Variants in TLR4 observed in about 807,000 individuals in gnomAD.
TLR4 encodes the protein toll-like receptor 4.
In TLR4, 17 loss-of-function variants were observed where a neutral mutation model predicts 27.4. That is an observed-to-expected ratio of 0.62 (90% CI 0.42 to 0.93). The LOEUF is 0.93. Among genes scored for constraint, TLR4 ranks in the 40% least tolerant of loss-of-function variants. The probability of loss-of-function intolerance (pLI) is 0.00; values close to 1 mark genes in which losing one functional copy is unlikely to be tolerated. For missense variants in TLR4, 926 were observed against 962.3 expected, an observed-to-expected ratio of 0.96 and a Z score of 0.50; for synonymous variants, 363 against 365.7, an observed-to-expected ratio of 0.99 and a Z score of 0.08.
At chr9:117,705,298 C>T (rs10818073) in intron 1 of TLR4, among the ~76,000 whole-genome samples, 7,518 of 152,004 alleles carry the variant, frequency 0.049, 249 homozygotes, top group South Asian at 0.11. Flanking sequence ...ATAGTAGAGC[C>T]GAACAGCTAA....
rs1224284137 is a variant in TLR4 at position 117,715,787 on chromosome 9, A to G, written c.*1139A>G. On this transcript the variant is annotated 3_prime_UTR_variant, in exon 3 of 3. Coordinates refer to ENST00000355622, the MANE Select transcript of TLR4 (RefSeq NM_138554.5). The stretch of plus-strand genomic sequence containing the variant: ...TGCCAGGAGAACTACGTGTGAAGGT[A>G]TTCAAGGCAGGGAGTATACATTGCT... The G allele has an allele frequency of 6.6e-6, 1 of 152,194 alleles. No homozygotes were observed. The highest frequency in any genetic ancestry group is 1.5e-5 in the Non-Finnish European group (1 of 68,042). 9.4% of individuals were successfully genotyped at this position (152,194 alleles called of 1,614,324 possible).
In TLR4 at chr9:117,713,481, C is replaced by A. The variant is rs201722284; in HGVS notation, c.1353C>A (p.Tyr451Ter). Residue 451 changes from tyrosine (Y) to a stop codon, truncating the protein, a stop_gained, in exon 3 of 3, where the codon TAC (tyrosine) becomes TAA (stop). Transcript: ENST00000355622. LOFTEE classifies it low-confidence loss of function (END_TRUNC). ...TCCTATCACTCAGAAACCTCATTTA[C>A]CTTGACATTTCTCATACTCACACCA... ...SVFLSLRNLI[Y>*]LDISHTHTRV... is the part of the protein sequence containing the mutation. The A allele has an allele frequency of 8.1e-6, 13 of 1,613,976 alleles. No homozygotes were observed. The highest frequency in any genetic ancestry group is 1.0e-5 in the Non-Finnish European group (12 of 1,180,016).
rs1368223194 is a variant in TLR4 at position 117,716,927 on chromosome 9, C to G, written c.*2279C>G. 3 of 152,158 alleles carry G rather than the reference C, an allele frequency of 2.0e-5. No individual in the cohort carries two copies. The highest frequency in any genetic ancestry group is 4.4e-5 in the Non-Finnish European group (3 of 68,014). The allele number at this position is 152,158 out of a possible 1,614,324, so 9.4% of individuals were successfully genotyped here. A position where few individuals can be genotyped will look rare whatever the true frequency, so the allele number is the denominator to read the frequency against. On this transcript the variant is annotated 3_prime_UTR_variant, in exon 3 of 3. Coordinates refer to ENST00000355622, the MANE Select transcript of TLR4 (RefSeq NM_138554.5). ...AGACAACAAAATTCAGTTGTCAAAA[C>G]TGGAAATATGACCACAGTCAGAAGT...
In TLR4 at chr9:117,712,823, C is replaced by G. The variant is rs1323716355; in HGVS notation, c.695C>G (p.Thr232Ser). ...AAAGAAATTAGGCTTCATAAGCTGACTTTAAGAAATAATTTTGATAGTTTA... is the reference window on the plus strand; with the variant it reads ...AAAGAAATTAGGCTTCATAAGCTGAGTTTAAGAAATAATTTTGATAGTTTA... ...AFKEIRLHKLTLRNNFDSLNV... is the reference protein window; with the variant it reads ...AFKEIRLHKLSLRNNFDSLNV... Residue 232 changes from threonine (T) to serine (S), a missense_variant, in exon 3 of 3, where the codon ACT (threonine) becomes AGT (serine). Thr to Ser is a moderately conservative substitution (Grantham distance 58). Coordinates refer to ENST00000355622, the MANE Select transcript of TLR4 (RefSeq NM_138554.5). The G allele has an allele frequency of 6.2e-7, 1 of 1,613,972 alleles. No homozygotes were observed. Among genetic ancestry groups the G allele is most frequent in the Non-Finnish European group, 8.5e-7 (1 of 1,179,996 alleles).
At chr9:117,707,526 C>G (rs1024450119) in intron 1 of TLR4, among the ~76,000 whole-genome samples, 2 of 152,100 alleles carry the variant, frequency 1.3e-5, no homozygotes, top group African/African-American at 4.8e-5. Flanking sequence ...TTTCAAACAA[C>G]AGAAAACTAC....
Position 117,723,522 on chromosome 9 carries a change from T to G in TLR4, c.*8874T>G, listed in dbSNP as rs1829445387. 6.6e-6 allele frequency: 1 copy of G among 152,166 alleles called. No individual in the cohort carries two copies. Among genetic ancestry groups the G allele is most frequent in the Non-Finnish European group, 1.5e-5 (1 of 68,030 alleles). The allele number at this position is 152,166 out of a possible 1,614,324, so 9.4% of individuals were successfully genotyped here. On this transcript the variant is annotated 3_prime_UTR_variant, in exon 3 of 3. Coordinates refer to ENST00000355622, the MANE Select transcript of TLR4 (RefSeq NM_138554.5). ...TTTACGCTGTCTTCTGTGAAAGTTT[T>G]GAGAATGAAATGAGACAGAGCCTCC...
chr9:117,705,023 G>T (rs1426168977), intron 1 of TLR4, among the ~76,000 whole-genome samples: 3 of 152,076 alleles, frequency 2.0e-5, no homozygotes, highest in Middle Eastern at 3.2e-3. Context: ...TTGTGTGTGT[G>T]TCTCTAGAGA....
rs200782062 is a variant in TLR4 at position 117,713,241 on chromosome 9, T to C, written c.1113T>C (p.Asp371=). The part of the protein sequence containing the change: ...NKGGNAFSEV[D]LPSLEFLDLS... ...GTGGGAATGCTTTTTCAGAAGTTGATCTACCAAGCCTTGAGTTTCTAGATC... is the reference window on the plus strand; with the variant it reads ...GTGGGAATGCTTTTTCAGAAGTTGACCTACCAAGCCTTGAGTTTCTAGATC... The change falls in exon 3 of 3, where the codon GAT becomes GAC. Residue 371 remains aspartate (D), a synonymous_variant. Transcript: ENST00000355622. 6.2e-7 allele frequency: 1 copy of C among 1,613,912 alleles called. No individual in the cohort carries two copies. The highest frequency in any genetic ancestry group is 1.3e-5 in the African/African-American group (1 of 74,932).
At chr9:117,708,064 T>G (rs980515790) in intron 1 of TLR4, 14 of 388,944 alleles carry the variant, frequency 3.6e-5, no homozygotes, top group Non-Finnish European at 3.6e-6. Flanking sequence ...CTTCTCTGTA[T>G]CCTTCCAATT....
intron 2 of TLR4, among the ~76,000 whole-genome samples, chr9:117,709,353 A>G (rs1367514409): frequency 1.3e-5 from 2 of 152,160 alleles, no homozygotes; most frequent in African/African-American, 4.8e-5. Flanking sequence ...TAAGATTCAA[A>G]CAATGTCTAG....
chr9:117,714,577 G>C lies in TLR4; in HGVS notation c.2449G>C (p.Asp817His). ...FWRRLRKALLDGKSWNPEGTV... is the reference protein window; with the variant it reads ...FWRRLRKALLHGKSWNPEGTV... ...GAGACGACTCAGAAAAGCCCTGCTGGATGGTAAATCATGGAATCCAGAAGG... is the reference window on the plus strand; with the variant it reads ...GAGACGACTCAGAAAAGCCCTGCTGCATGGTAAATCATGGAATCCAGAAGG... The change falls in exon 3 of 3, where the codon GAT (aspartate) becomes CAT (histidine). Residue 817 changes from aspartate (D) to histidine (H), a missense_variant. Physicochemically the swap from Asp to His is moderately conservative, Grantham distance 81. Transcript: ENST00000355622. 6.2e-7 allele frequency: 1 copy of C among 1,613,862 alleles called. No individual in the cohort carries two copies. The highest frequency in any genetic ancestry group is 8.5e-7 in the Non-Finnish European group (1 of 1,179,986).
At chr9:117,707,728 A>T (rs1408642169) in intron 1 of TLR4, among the ~76,000 whole-genome samples, 1 of 152,132 alleles carries the variant, frequency 6.6e-6, no homozygotes, top group African/African-American at 2.4e-5. Context: ...CACTCTAAAG[A>T]TTTCCCCCTA....
At chr9:117,708,480 C>A (rs571061549) in intron 1 of TLR4, 83 bp from the exon 2 acceptor site, 1 of 1,606,432 alleles carries the variant, frequency 6.2e-7, no homozygotes, top group Non-Finnish European at 8.5e-7. Context: ...AAAAGAGGCC[C>A]CTCTCCACCA....
rs1292638040 is a variant in TLR4, at chr9:117,713,962, C to T, written c.1834C>T (p.Pro612Ser). The change falls in exon 3 of 3, where the codon CCT becomes TCT. Residue 612 changes from proline (P) to serine (S), a missense_variant. Transcript: ENST00000355622. ...AGTTGAACGAATGGAATGTGCAACA[C>T]CTTCAGATAAGCAGGGCATGCCTGT... ...VEVERMECAT[P>S]SDKQGMPVLS... is the part of the protein sequence containing the mutation. 1.2e-6 allele frequency: 2 copies of T among 1,613,880 alleles called. No homozygotes were observed. Among genetic ancestry groups the T allele is most frequent in the African/African-American group, 1.3e-5 (1 of 74,920 alleles).
chr9:117,706,586 C>T (rs1829140530), intron 1 of TLR4, among the ~76,000 whole-genome samples: 1 of 152,180 alleles, frequency 6.6e-6, no homozygotes, highest in African/African-American at 2.4e-5. Context: ...TCACCACTCC[C>T]ACCACTCACC....
rs891884708 is a variant in TLR4, at chr9:117,714,575, T to A, written c.2447T>A (p.Leu816Gln). 1 of 1,613,770 alleles carries A rather than the reference T, an allele frequency of 6.2e-7. No homozygotes were observed. Among genetic ancestry groups the A allele is most frequent in the African/African-American group, 1.3e-5 (1 of 74,924 alleles). Residue 816 changes from leucine to glutamine, a missense_variant, in exon 3 of 3, where the codon CTG (leucine) becomes CAG (glutamine). By Grantham distance (113) the Leu-to-Gln change is moderately radical. Coordinates refer to ENST00000355622, the MANE Select transcript of TLR4 (RefSeq NM_138554.5). ...TGGAGACGACTCAGAAAAGCCCTGCTGGATGGTAAATCATGGAATCCAGAA... is the reference window on the plus strand; with the variant it reads ...TGGAGACGACTCAGAAAAGCCCTGCAGGATGGTAAATCATGGAATCCAGAA... The part of the protein sequence containing the change: ...IFWRRLRKAL[L>Q]DGKSWNPEGT...
chr9:117,712,937 A>C lies in TLR4; in HGVS notation c.809A>C (p.Glu270Ala). 1 of 1,614,128 alleles carries C rather than the reference A, an allele frequency of 6.2e-7. No homozygotes were observed. Among genetic ancestry groups the C allele is most frequent in the Non-Finnish European group, 8.5e-7 (1 of 1,179,986 alleles). The stretch of plus-strand genomic sequence containing the variant: ...GAATTTAGAAATGAAGGAAACTTGG[A>C]AAAGTTTGACAAATCTGCTCTAGAG... ...LGEFRNEGNL[E>A]KFDKSALEGL... Residue 270 changes from glutamate (E) to alanine (A), a missense_variant, in exon 3 of 3, where the codon GAA (glutamate) becomes GCA (alanine). By Grantham distance (107) the Glu-to-Ala change is moderately radical (BLOSUM62 -1). Coordinates refer to ENST00000355622, the MANE Select transcript of TLR4 (RefSeq NM_138554.5).
At position 117,713,071 on chromosome 9, in the gene TLR4, C is replaced by A. The variant is rs199637440; in HGVS notation, c.943C>A (p.Leu315Met). The A allele has an allele frequency of 3.1e-6, 5 of 1,613,872 alleles. No homozygotes were observed. In the South Asian group the frequency reaches 5.5e-5, roughly 18 times the overall value. ...TTTGACAAATGTTTCTTCATTTTCCCTGGTGAGTGTGACTATTGAAAGGGT... is the reference window on the plus strand; with the variant it reads ...TTTGACAAATGTTTCTTCATTTTCCATGGTGAGTGTGACTATTGAAAGGGT... ...NCLTNVSSFS[L>M]VSVTIERVKD... The change falls in exon 3 of 3, where the codon CTG (leucine) becomes ATG (methionine). Residue 315 changes from leucine to methionine, a missense_variant. Physicochemically the swap from Leu to Met is conservative, Grantham distance 15 (BLOSUM62 2). Transcript: ENST00000355622.
rs1340259971 is a variant in TLR4 at position 117,712,577 on chromosome 9, A to G, written c.449A>G (p.Lys150Arg). The change falls in exon 3 of 3, where the codon AAA (lysine) becomes AGA (arginine). Residue 150 changes from lysine to arginine, a missense_variant. Lys to Arg is a conservative substitution (Grantham distance 26). Coordinates refer to ENST00000355622, the MANE Select transcript of TLR4 (RefSeq NM_138554.5). ...GAGAACTTCCCCATTGGACATCTCA[A>G]AACTTTGAAAGAACTTAATGTGGCT... ...SLENFPIGHL[K>R]TLKELNVAHN... is the part of the protein sequence containing the mutation. 1 of 1,613,962 alleles carries G rather than the reference A, an allele frequency of 6.2e-7. No individual in the cohort carries two copies. Among genetic ancestry groups the G allele is most frequent in the African/African-American group, 1.3e-5 (1 of 74,930 alleles).
Sources: allele counts gnomAD v4.1 joint callset (sites outside exome capture counted in the v4.1 genomes callset), GRCh38; gene constraint gnomAD v4.1.1; transcripts MANE v1.5; gene names NCBI Gene and HGNC (gene_info 2026-07-23, HGNC 2026-07-21).